Variants in SUGCT observed in about 807,000 individuals in gnomAD.
The protein encoded by SUGCT is succinyl-CoA:glutarate-CoA transferase.
A neutral mutation model predicts 55.0 loss-of-function variants in SUGCT; 41 were observed. The ratio of observed to expected loss-of-function variants is 0.74; its 90% CI spans 0.58 to 0.97. The LOEUF (loss-of-function observed/expected upper bound fraction) is 0.97. SUGCT is among the 50% of genes least tolerant of loss of function. The pLI is 0.00. For synonymous variants in SUGCT, 187 were observed against 200.4 expected, an observed-to-expected ratio of 0.93 and a Z score of 0.56; for missense variants, 568 against 547.8, an observed-to-expected ratio of 1.04 and a Z score of -0.37.
intron 12 of SUGCT, among the ~76,000 whole-genome samples, chr7:40,558,679 CA>C (rs1795682628): frequency 6.6e-6 from 1 of 152,122 alleles, no homozygotes; most frequent in Non-Finnish European, 1.5e-5. Flanking sequence ...AGTAGAAGTT[CA>C]GGACGTAGTG....
the SUGCT span, among the ~76,000 whole-genome samples, chr7:40,889,243 G>T: frequency 2.6e-5 from 4 of 152,152 alleles, no homozygotes; most frequent in Non-Finnish European, 5.9e-5. Flanking sequence ...GGGACATCTG[G>T]AAAGTACGGG....
At chr7:40,625,255 T>C (rs866015975) in intron 12 of SUGCT, among the ~76,000 whole-genome samples, 1 of 152,142 alleles carries the variant, frequency 6.6e-6, no homozygotes, top group South Asian at 2.1e-4. Context: ...TCAATCCTTT[T>C]TCCTTAACAC....
At chr7:40,840,745 A>G (rs961963672) in intron 13 of SUGCT, among the ~76,000 whole-genome samples, 3 of 130,898 alleles carry the variant, frequency 2.3e-5, no homozygotes, top group African/African-American at 8.9e-5. Context: ...ATAGGAGAAT[A>G]GAATCAATGA....
the SUGCT span, among the ~76,000 whole-genome samples, chr7:40,986,301 T>C: frequency 2.0e-5 from 3 of 152,234 alleles, no homozygotes; most frequent in Non-Finnish European, 4.4e-5. Context: ...TGTGGACTTC[T>C]TTAAGACATG....
At chr7:40,515,180 C>T (rs898674525) in intron 12 of SUGCT, among the ~76,000 whole-genome samples, 1 of 152,140 alleles carries the variant, frequency 6.6e-6, no homozygotes, top group African/African-American at 2.4e-5. Context: ...CATGCTACCC[C>T]TTGAGAGCCA....
chr7:40,347,931 C>G (rs1321666429), intron 9 of SUGCT, among the ~76,000 whole-genome samples: 2 of 152,178 alleles, frequency 1.3e-5, no homozygotes, highest in African/African-American at 2.4e-5. Context: ...ATTATGTCTG[C>G]CTAGCATTCT....
chr7:40,674,381 A>G (rs1295889555), intron 12 of SUGCT, among the ~76,000 whole-genome samples: 3 of 152,194 alleles, frequency 2.0e-5, no homozygotes, highest in African/African-American at 7.2e-5. Context: ...ATGGGCAGGG[A>G]TTTCAGTTCA....
intron 12 of SUGCT, among the ~76,000 whole-genome samples, chr7:40,540,806 T>C (rs896178622): frequency 6.6e-6 from 1 of 152,230 alleles, no homozygotes; most frequent in African/African-American, 2.4e-5. Context: ...TTCTGTGCAT[T>C]AACACCTTCT....
intron 12 of SUGCT, among the ~76,000 whole-genome samples, chr7:40,600,248 T>C (rs954022130): frequency 1.2e-4 from 19 of 152,154 alleles, no homozygotes; most frequent in African/African-American, 4.6e-4. Flanking sequence ...TTCTTATGTG[T>C]GTGTGAATCC....
intron 8 of SUGCT, among the ~76,000 whole-genome samples, chr7:40,311,482 A>G (rs1474009241): frequency 1.3e-5 from 2 of 152,222 alleles, no homozygotes; most frequent in Non-Finnish European, 2.9e-5. Flanking sequence ...TACCATTACT[A>G]CAATGACTGG....
rs1374251110 is a variant in SUGCT at position 40,317,857 on chromosome 7, T to C, written c.816+1002T>C. ...ATTCTTCCCTCTCTGTTTATATTCA[T>C]GGCCCTTTACCTGAGGCATTACTGT... On this transcript the variant is annotated intron_variant, in intron 9 of 13. Transcript: ENST00000335693. Among the ~76,000 whole-genome samples, 3 of 152,232 alleles carry C rather than the reference T, an allele frequency of 2.0e-5. No individual in the cohort carries two copies. The East Asian group carries it at 5.8e-4, about 29-fold the overall frequency.
At chr7:40,983,378 T>C in the SUGCT span, among the ~76,000 whole-genome samples, 3 of 152,310 alleles carry the variant, frequency 2.0e-5, no homozygotes, top group Non-Finnish European at 4.4e-5. Context: ...TCTCTCCCCT[T>C]CTTGGTGATT....
the SUGCT span, among the ~76,000 whole-genome samples, chr7:40,885,530 C>G: frequency 6.6e-6 from 1 of 152,114 alleles, no homozygotes; most frequent in Non-Finnish European, 1.5e-5. Flanking sequence ...CCCAGCCAGA[C>G]AGCCCAGGTG....
At chr7:40,367,634 G>A (rs1784066189) in intron 9 of SUGCT, among the ~76,000 whole-genome samples, 1 of 152,034 alleles carries the variant, frequency 6.6e-6, no homozygotes, top group Non-Finnish European at 1.5e-5. Flanking sequence ...AGAGCAAAAA[G>A]AAATATAATA....
At chr7:40,418,717 C>T (rs1312144455) in intron 9 of SUGCT, among the ~76,000 whole-genome samples, 1 of 152,118 alleles carries the variant, frequency 6.6e-6, no homozygotes, top group Non-Finnish European at 1.5e-5. Context: ...GTGGCCTGGA[C>T]AGGCAGTGAC....
the SUGCT span, among the ~76,000 whole-genome samples, chr7:40,876,839 G>A: frequency 3.9e-5 from 6 of 152,150 alleles, no homozygotes; most frequent in Non-Finnish European, 8.8e-5. Context: ...TTCCTGCTGT[G>A]AACAGACACT....
chr7:41,034,035 G>T, the SUGCT span, among the ~76,000 whole-genome samples: 1 of 152,192 alleles, frequency 6.6e-6, no homozygotes. Context: ...AATGTTGTCC[G>T]TGTACATTAT....
chr7:40,149,119 C>G (rs1374443759), intron 1 of SUGCT, among the ~76,000 whole-genome samples: 5 of 151,968 alleles, frequency 3.3e-5, no homozygotes, highest in Non-Finnish European at 7.4e-5. Flanking sequence ...TTTGGGGTCT[C>G]AGTTTTTGAG....
At chr7:40,368,180 A>G (rs1784108410) in intron 9 of SUGCT, among the ~76,000 whole-genome samples, 1 of 152,018 alleles carries the variant, frequency 6.6e-6, no homozygotes, top group African/African-American at 2.4e-5. Flanking sequence ...TTTAGTCTAT[A>G]CTTTTTTATT....
Sources: allele counts gnomAD v4.1 joint callset (sites outside exome capture counted in the v4.1 genomes callset), GRCh38; gene constraint gnomAD v4.1.1; transcripts MANE v1.5; gene names NCBI Gene and HGNC (gene_info 2026-07-23, HGNC 2026-07-21).